The following MAGI2 variants were observed in gnomAD, a reference collection of about 807,000 sequenced individuals.
MAGI2 encodes membrane-associated guanylate kinase, WW and PDZ domain-containing protein 2.
A neutral mutation model predicts 133.3 loss-of-function variants in MAGI2; 35 were observed. That is an observed-to-expected ratio of 0.26 (90% confidence interval 0.20 to 0.35). The LOEUF (loss-of-function observed/expected upper bound fraction) is 0.35. MAGI2 is among the 10% of genes least tolerant of loss of function. The pLI, the probability that MAGI2 is intolerant of heterozygous loss-of-function variation, is 1.00. For synonymous variants in MAGI2, 729 were observed against 710.6 expected, an observed-to-expected ratio of 1.03 and a Z score of -0.41; for missense variants, 1,636 against 1,863.4, an observed-to-expected ratio of 0.88 and a Z score of 2.25.
At chr7:79,256,066 A>G (rs1563051433) in intron 1 of MAGI2, among the ~76,000 whole-genome samples, 1 of 152,170 alleles carries the variant, frequency 6.6e-6, no homozygotes, top group Non-Finnish European at 1.5e-5. Context: ...AATGTTGAAA[A>G]GGGTCATATA....
At chr7:79,128,068 G>T (rs549911146) in intron 1 of MAGI2, among the ~76,000 whole-genome samples, 1 of 151,930 alleles carries the variant, frequency 6.6e-6, no homozygotes, top group Non-Finnish European at 1.5e-5. Flanking sequence ...TCCTTTCCCC[G>T]TTGCTTGTTT....
At chr7:78,294,211 G>A (rs1797007829) in intron 9 of MAGI2, among the ~76,000 whole-genome samples, 1 of 151,988 alleles carries the variant, frequency 6.6e-6, no homozygotes, top group Non-Finnish European at 1.5e-5. Context: ...TTCCAGTGAG[G>A]GAGATACTGT....
intron 1 of MAGI2, among the ~76,000 whole-genome samples, chr7:79,255,678 A>T (rs560002778): frequency 1.2e-4 from 19 of 152,260 alleles, no homozygotes; most frequent in African/African-American, 4.6e-4. Flanking sequence ...GAAATCGAAG[A>T]ATATTAGAGT....
chr7:78,024,466 T>C (rs1808722148), intron 21 of MAGI2, among the ~76,000 whole-genome samples: 1 of 152,232 alleles, frequency 6.6e-6, no homozygotes, highest in South Asian at 2.1e-4. Flanking sequence ...CTCTCTCCCT[T>C]ATTTCCCCAT....
chr7:78,343,995 G>C lies in MAGI2; in HGVS notation c.1226-35C>G, dbSNP rs765582221. The C allele has an allele frequency of 2.2e-5, 35 of 1,580,902 alleles. No individual in the cohort carries two copies. The South Asian group carries it at 2.9e-4, about 13-fold the overall frequency. On this transcript the variant is annotated intron_variant, in intron 8 of 21. Coordinates refer to ENST00000354212, the MANE Select transcript of MAGI2 (RefSeq NM_012301.4). The stretch of plus-strand genomic sequence containing the variant: ...CCAATATAAGTTAAAAAAGAAAAAG[G>C]CATGTTCAAGTCAAGTTCTCAGACA...
chr7:79,436,224 C>CAAAA (rs34732039), intron 1 of MAGI2, among the ~76,000 whole-genome samples: 1 of 92,486 alleles, frequency 1.1e-5, no homozygotes, highest in Non-Finnish European at 2.3e-5. Flanking sequence ...GACTTCACCT[C>CAAAA]AAAAAAAAAA....
intron 7 of MAGI2, chr7:78,353,073 A>C (rs1455109703): frequency 1.3e-5 from 2 of 152,206 alleles, no homozygotes; most frequent in African/African-American, 4.8e-5. Context: ...GTATCTCTCT[A>C]AAATGTTATT....
chr7:78,484,464 A>C (rs760077186), intron 6 of MAGI2: 13 of 152,022 alleles, frequency 8.6e-5, no homozygotes, highest in Non-Finnish European at 1.8e-4. Context: ...AAATTCATAC[A>C]TATTGAATAC....
chr7:78,898,151 T>G (rs769540333), intron 2 of MAGI2, among the ~76,000 whole-genome samples: 29 of 152,150 alleles, frequency 1.9e-4, no homozygotes, highest in Non-Finnish European at 3.4e-4. Context: ...CTCACACCAG[T>G]CAAATGGCTA....
chr7:79,372,718 C>T (rs1201473627), intron 1 of MAGI2, among the ~76,000 whole-genome samples: 1 of 152,020 alleles, frequency 6.6e-6, no homozygotes. Flanking sequence ...ACTTTACTTC[C>T]CGCACCAGTA....
At chr7:78,326,421 G>A (rs1788595858) in intron 9 of MAGI2, among the ~76,000 whole-genome samples, 1 of 152,114 alleles carries the variant, frequency 6.6e-6, no homozygotes, top group South Asian at 2.1e-4. Context: ...ATCTCCAGGT[G>A]CCCTTTTAAA....
rs751102006 is a variant in MAGI2, at chr7:78,127,197, C to T, written c.3423G>A (p.Gln1141=). ...QYPLSDYRQP[Q]DFDYFTVDME... is the part of the protein sequence containing the mutation. Reference sequence around the variant, plus strand: ...CACCCTGCTCTCCGGGAGGAGGTACCTGGGGTTGTCTGTAGTCCGACAGAG... The same window carrying T: ...CACCCTGCTCTCCGGGAGGAGGTACTTGGGGTTGTCTGTAGTCCGACAGAG... The change falls in exon 19 of 22, where the codon CAG becomes CAA. Residue 1141 remains glutamine, a splice_region_variant and synonymous_variant. Coordinates refer to ENST00000354212, the MANE Select transcript of MAGI2 (RefSeq NM_012301.4). The T allele has an allele frequency of 6.4e-7, 1 of 1,571,442 alleles. No individual in the cohort carries two copies. Among genetic ancestry groups the T allele is most frequent in the Non-Finnish European group, 8.6e-7 (1 of 1,161,222 alleles).
intron 13 of MAGI2, among the ~76,000 whole-genome samples, chr7:78,181,131 C>T (rs1413436156): frequency 6.6e-6 from 1 of 152,068 alleles, no homozygotes; most frequent in African/African-American, 2.4e-5. Flanking sequence ...CCTAGTTGCT[C>T]TTCTGGCCCG....
At chr7:78,960,351 A>G (rs1229258545) in intron 2 of MAGI2, among the ~76,000 whole-genome samples, 3 of 152,108 alleles carry the variant, frequency 2.0e-5, no homozygotes, top group African/African-American at 7.2e-5. Flanking sequence ...ATATAACGAT[A>G]CCATGTTACG....
chr7:79,077,739 C>T lies in MAGI2; in HGVS notation c.302-70533G>A, dbSNP rs193194929. 5.9e-5 allele frequency among the ~76,000 whole-genome samples: 9 copies of T among 151,648 alleles called. No individual in the cohort carries two copies. In the South Asian group the frequency reaches 6.3e-4, roughly 11 times the overall value. On this transcript the variant is annotated intron_variant, in intron 1 of 21. Coordinates refer to ENST00000354212, the MANE Select transcript of MAGI2 (RefSeq NM_012301.4). ...TAGCCTTGTTTTCATTATTATTTTC[C>T]GTGATTAATAAATAATATATGTTGC...
chr7:78,589,657 C>T (rs1803788923), intron 3 of MAGI2, among the ~76,000 whole-genome samples: 1 of 152,054 alleles, frequency 6.6e-6, no homozygotes, highest in African/African-American at 2.4e-5. Context: ...AGCCAAAAGG[C>T]CGAGAAGCAA....
chr7:78,513,664 T>G (rs67497467), intron 4 of MAGI2, among the ~76,000 whole-genome samples: 69,580 of 152,004 alleles, frequency 0.46, 16,115 homozygotes, highest in South Asian at 0.58. Context: ...GAGGTGCTAC[T>G]CTGGTTGTCC....
At chr7:78,023,717 C>T (rs1047293110) in intron 21 of MAGI2, among the ~76,000 whole-genome samples, 6 of 152,134 alleles carry the variant, frequency 3.9e-5, no homozygotes, top group South Asian at 2.1e-4. Flanking sequence ...TCAAGGTTGC[C>T]GATGACCTTT....
At chr7:79,330,299 T>C (rs568318610) in intron 1 of MAGI2, among the ~76,000 whole-genome samples, 1 of 147,644 alleles carries the variant, frequency 6.8e-6, no homozygotes, top group Non-Finnish European at 1.5e-5. Flanking sequence ...GTTCATGCCA[T>C]TCTTCTGCCT....
Sources: gnomAD v4.1 joint callset for allele counts (sites outside exome capture counted in the v4.1 genomes callset) on GRCh38, gnomAD v4.1.1 for gene constraint, MANE v1.5 for transcripts, NCBI Gene and HGNC (gene_info 2026-07-23, HGNC 2026-07-21) for gene names.